The following GPR39 variants were observed in gnomAD, a reference collection of about 807,000 sequenced individuals.
The protein encoded by GPR39 is G protein-coupled receptor 39.
GPR39 carries 23 observed loss-of-function variants against 18.4 expected under a neutral mutation model. The ratio of observed to expected loss-of-function variants is 1.25; its 90% CI spans 0.90 to 1.77. The LOEUF is 1.77. Among genes scored for constraint, GPR39 ranks in the 40% most tolerant of loss-of-function variants. The pLI is 0.00. For missense variants in GPR39, 647 were observed against 602.4 expected (o/e 1.07, Z -0.78); for synonymous variants, 280 against 257.9 (o/e 1.09, Z -0.82).
At chr2:132,468,530 A>T (rs1680971834) in intron 1 of GPR39, among the ~76,000 whole-genome samples, 1 of 152,154 alleles carries the variant, frequency 6.6e-6, no homozygotes, top group Admixed American at 6.5e-5. Flanking sequence ...GAGGCTAGGG[A>T]TGTGAATGAG....
intron 1 of GPR39, among the ~76,000 whole-genome samples, chr2:132,590,371 C>T (rs1680805612): frequency 6.6e-6 from 1 of 152,140 alleles, no homozygotes; most frequent in Non-Finnish European, 1.5e-5. Flanking sequence ...CACATTCACA[C>T]AGATGATGGC....
intron 1 of GPR39, among the ~76,000 whole-genome samples, chr2:132,592,555 TGGGA>T (rs1164150352): frequency 3.3e-5 from 5 of 152,100 alleles, no homozygotes; most frequent in African/African-American, 1.2e-4. Context: ...GCAGAGCCAT[TGGGA>T]GGGCTTGAGC....
intron 1 of GPR39, among the ~76,000 whole-genome samples, chr2:132,453,939 G>A (rs1680675108): frequency 6.6e-6 from 1 of 152,130 alleles, no homozygotes; most frequent in Admixed American, 6.5e-5. Context: ...TGTTCCTTTG[G>A]CTTAGGATTG....
At chr2:132,471,124 A>G (rs1681023279) in intron 1 of GPR39, among the ~76,000 whole-genome samples, 1 of 152,002 alleles carries the variant, frequency 6.6e-6, no homozygotes, top group South Asian at 2.1e-4. Context: ...AAAGAAAGTG[A>G]GGCCAGGGAA....
intron 1 of GPR39, among the ~76,000 whole-genome samples, chr2:132,439,157 G>A (rs1199404330): frequency 6.6e-6 from 1 of 152,190 alleles, no homozygotes; most frequent in Admixed American, 6.5e-5. Context: ...AGCATTAGAT[G>A]TGAAATTTGA....
Position 132,562,714 on chromosome 2 carries a change from G to T in GPR39, c.857-82387G>T, listed in dbSNP as rs73957925. On this transcript the variant is annotated intron_variant, in intron 1 of 1. Transcript: ENST00000329321. ...TAGTAGATAGTAATAGATAGCAGGG[G>T]TTATCTACTATTTACAAAGCAGCAA... Among the ~76,000 whole-genome samples the T allele has an allele frequency of 3.9e-5, 6 of 152,110 alleles. No homozygotes were observed. In the South Asian group the frequency reaches 1.3e-3, roughly 32 times the overall value.
At chr2:132,535,937 G>T (rs1573653291) in intron 1 of GPR39, among the ~76,000 whole-genome samples, 3 of 147,946 alleles carry the variant, frequency 2.0e-5, no homozygotes, top group African/African-American at 4.9e-5. Context: ...TTTTTATTGT[G>T]GTCTATTTGA....
intron 1 of GPR39, among the ~76,000 whole-genome samples, chr2:132,540,232 A>G (rs1390707961): frequency 2.0e-5 from 3 of 147,408 alleles, no homozygotes; most frequent in Non-Finnish European, 4.5e-5. Flanking sequence ...TAAAATTGTC[A>G]TACTAAGCCC....
intron 1 of GPR39, among the ~76,000 whole-genome samples, chr2:132,551,105 G>A (rs1350518138): frequency 6.6e-6 from 1 of 152,118 alleles, no homozygotes; most frequent in Non-Finnish European, 1.5e-5. Flanking sequence ...AAGAATTCTG[G>A]AAGTAGGAGA....
At chr2:132,456,620 T>C (rs2104774300) in intron 1 of GPR39, among the ~76,000 whole-genome samples, 1 of 152,326 alleles carries the variant, frequency 6.6e-6, no homozygotes, top group African/African-American at 2.4e-5. Context: ...CTGGTACCAG[T>C]TGTTTCTTTC....
rs536892270 is a variant in GPR39 at position 132,563,739 on chromosome 2, G to C, written c.857-81362G>C. Among the ~76,000 whole-genome samples, 6 of 152,320 alleles carry C rather than the reference G, an allele frequency of 3.9e-5. No homozygotes were observed. The South Asian group carries it at 8.3e-4, about 21-fold the overall frequency. ...CAAGCCAATTAAATGAGAACGTCTGGGAGTGGGGCCCTGGCATTGTTTTGC... is the reference window on the plus strand; with the variant it reads ...CAAGCCAATTAAATGAGAACGTCTGCGAGTGGGGCCCTGGCATTGTTTTGC... On this transcript the variant is annotated intron_variant, in intron 1 of 1. Coordinates refer to ENST00000329321, the MANE Select transcript of GPR39 (RefSeq NM_001508.3).
rs184233372 is a variant in GPR39, at chr2:132,579,886, G to A, written c.857-65215G>A. On this transcript the variant is annotated intron_variant, in intron 1 of 1. Coordinates refer to ENST00000329321, the MANE Select transcript of GPR39 (RefSeq NM_001508.3). ...CTCAGGGTTCCAAGAGGAAAATGAG[G>A]TGGCTGAGCTCTCTGTGAAGAGACC... Among the ~76,000 whole-genome samples, 3 of 152,296 alleles carry A rather than the reference G, an allele frequency of 2.0e-5. No homozygotes were observed. The East Asian group carries it at 5.8e-4, about 29-fold the overall frequency.
chr2:132,569,037 C>T (rs915889889), intron 1 of GPR39, among the ~76,000 whole-genome samples: 1 of 152,106 alleles, frequency 6.6e-6, no homozygotes, highest in Non-Finnish European at 1.5e-5. Flanking sequence ...TTGGTTTTAT[C>T]ATCTTTACAA....
chr2:132,507,381 C>T (rs575277495), intron 1 of GPR39, among the ~76,000 whole-genome samples: 1 of 152,260 alleles, frequency 6.6e-6, no homozygotes, highest in African/African-American at 2.4e-5. Context: ...CGTGGTGGGG[C>T]ATAGGTTTCA....
At position 132,429,877 on chromosome 2, in the gene GPR39, G is replaced by A. The variant is rs141805590; in HGVS notation, c.856+11979G>A. ...CTGCATGTCCAGAAAGTAGGTAATA[G>A]AATGATTGGACTGGAGTAGGGAAAT... On this transcript the variant is annotated intron_variant, in intron 1 of 1. Transcript: ENST00000329321. 3.6e-3 allele frequency among the ~76,000 whole-genome samples: 555 copies of A among 152,346 alleles called. 1 individual carries two copies. Among genetic ancestry groups the A allele is most frequent in the Non-Finnish European group, 6.7e-3 (457 of 68,032 alleles).
chr2:132,597,910 C>T (rs545997444), intron 1 of GPR39, among the ~76,000 whole-genome samples: 1 of 152,310 alleles, frequency 6.6e-6, no homozygotes, highest in Non-Finnish European at 1.5e-5. Context: ...ATCCCATACC[C>T]AAAGTCTAGT....
intron 1 of GPR39, among the ~76,000 whole-genome samples, chr2:132,566,939 T>C (rs756511980): frequency 1.2e-4 from 19 of 152,244 alleles, no homozygotes; most frequent in Non-Finnish European, 2.5e-4. Context: ...CCCGGGAGCC[T>C]TCTCCATTTG....
intron 1 of GPR39, among the ~76,000 whole-genome samples, chr2:132,599,373 GC>G (rs879663276): frequency 2.6e-5 from 4 of 152,278 alleles, no homozygotes; most frequent in Middle Eastern, 3.4e-3. Flanking sequence ...GGTGGGGCTG[GC>G]TTTTTGCCCT....
chr2:132,449,333 C>T (rs1038174775), intron 1 of GPR39, among the ~76,000 whole-genome samples: 53 of 152,124 alleles, frequency 3.5e-4, no homozygotes, highest in African/African-American at 9.7e-4. Context: ...CTGCAACCTC[C>T]GCCTCAAGGT....
Sources: allele counts gnomAD v4.1 joint callset (sites outside exome capture counted in the v4.1 genomes callset), GRCh38; gene constraint gnomAD v4.1.1; transcripts MANE v1.5; gene names NCBI Gene and HGNC (gene_info 2026-07-23, HGNC 2026-07-21).